Variants in HOOK1 observed in about 807,000 individuals in gnomAD.
HOOK1 encodes the protein protein Hook homolog 1.
A neutral mutation model predicts 112.8 loss-of-function variants in HOOK1; 60 were observed. The observed-to-expected ratio is 0.53, with a 90% CI of 0.43 to 0.66. The LOEUF is 0.66. HOOK1 is among the 30% of genes least tolerant of loss of function. The pLI is 0.00. For synonymous variants in HOOK1, 294 were observed against 283.8 expected (o/e 1.04, Z -0.36); for missense variants, 770 against 856.0 (o/e 0.90, Z 1.25).
At chr1:59,836,530 TTATAA>T (rs1350500708) in intron 6 of HOOK1, among the ~76,000 whole-genome samples, 2 of 152,228 alleles carry the variant, frequency 1.3e-5, no homozygotes, top group Non-Finnish European at 2.9e-5. Context: ...AAGTATTAAC[TTATAA>T]TGTATATGAA....
chr1:59,831,577 CT>C (rs2098394023), intron 3 of HOOK1, among the ~76,000 whole-genome samples: 1 of 152,194 alleles, frequency 6.6e-6, no homozygotes, highest in Admixed American at 6.5e-5. Context: ...TAGCTCCCAT[CT>C]TTTCATCGTC....
chr1:59,853,994 A>G (rs2098408658), intron 12 of HOOK1, among the ~76,000 whole-genome samples: 1 of 117,344 alleles, frequency 8.5e-6, no homozygotes, highest in South Asian at 2.8e-4. Flanking sequence ...AAAATACATT[A>G]ATCTTAAATA....
intron 2 of HOOK1, among the ~76,000 whole-genome samples, chr1:59,823,315 G>A (rs985592283): frequency 1.1e-4 from 16 of 152,104 alleles, no homozygotes; most frequent in South Asian, 2.1e-4. Flanking sequence ...GCAAGACTCC[G>A]TCTCAAAAAA....
rs752276244 is a variant in HOOK1 at position 59,840,329 on chromosome 1, C to CT, written c.561dup (p.Gln188SerfsTer15). ...TCAGCTTAAAAGAGCCTTGGAAGAA[C>CT]TTCAGGAAGCACTAGCAGAAAAAGA... On this transcript the variant is annotated frameshift_variant, in exon 8 of 22. Transcript: ENST00000371208. LOFTEE classifies it high-confidence loss of function. The CT allele has an allele frequency of 2.5e-6, 4 of 1,592,566 alleles. No homozygotes were observed. The highest frequency in any genetic ancestry group is 3.4e-6 in the Non-Finnish European group (4 of 1,170,602).
In HOOK1 at chr1:59,873,808, A is replaced by G. The variant is rs1329847097; in HGVS notation, c.*843A>G. 1 of 145,966 alleles carries G rather than the reference A, an allele frequency of 6.9e-6. No homozygotes were observed. The highest frequency in any genetic ancestry group is 1.5e-5 in the Non-Finnish European group (1 of 66,866). The allele number at this position is 145,966 out of a possible 1,614,324, so 9.0% of individuals were successfully genotyped here. A position where few individuals can be genotyped will look rare whatever the true frequency, so the allele number is the denominator to read the frequency against. On this transcript the variant is annotated 3_prime_UTR_variant, in exon 22 of 22. Transcript: ENST00000371208. Reference sequence around the variant, plus strand: ...ATATACTTTTTAAGGTAATTAATGAAGATTTCAGTTATTGCTTTTAAGCAT... The same window carrying G: ...ATATACTTTTTAAGGTAATTAATGAGGATTTCAGTTATTGCTTTTAAGCAT...
Position 59,874,491 on chromosome 1 carries a change from G to A in HOOK1, c.*1526G>A, listed in dbSNP as rs1644104407. ...TACATACCTATCAGCAGTGTGTTTA[G>A]ACCAGGGGTCTGCAAACTTTCTGTG... On this transcript the variant is annotated 3_prime_UTR_variant, in exon 22 of 22. Transcript: ENST00000371208. The A allele has an allele frequency of 6.6e-6, 1 of 152,126 alleles. No individual in the cohort carries two copies. The highest frequency in any genetic ancestry group is 1.5e-5 in the Non-Finnish European group (1 of 68,004). The allele number at this position is 152,126 out of a possible 1,614,324, so 9.4% of individuals were successfully genotyped here.
chr1:59,847,027 CT>C lies in HOOK1; in HGVS notation c.789-12del. On this transcript the variant is annotated splice_polypyrimidine_tract_variant and intron_variant, in intron 9 of 21. Coordinates refer to ENST00000371208, the MANE Select transcript of HOOK1 (RefSeq NM_015888.6). Reference sequence around the variant, plus strand: ...AAATCATGGAAGTTATAAATACTTACTTTTTTATTTGTTCAAGGCTTGAAGC... The same window carrying C: ...AAATCATGGAAGTTATAAATACTTACTTTTTATTTGTTCAAGGCTTGAAGC... 6.4e-7 allele frequency: 1 copy of C among 1,560,030 alleles called. No individual in the cohort carries two copies. The highest frequency in any genetic ancestry group is 8.6e-7 in the Non-Finnish European group (1 of 1,158,230).
At chr1:59,836,282 G>A (rs1171146037) in intron 6 of HOOK1, among the ~76,000 whole-genome samples, 1 of 152,084 alleles carries the variant, frequency 6.6e-6, no homozygotes, top group Non-Finnish European at 1.5e-5. Context: ...AGGCTGAGAT[G>A]GATTGCAGAG....
At chr1:59,854,858 A>C (rs2098409671) in intron 12 of HOOK1, among the ~76,000 whole-genome samples, 1 of 152,238 alleles carries the variant, frequency 6.6e-6, no homozygotes, top group South Asian at 2.1e-4. Flanking sequence ...TTTGATTTCC[A>C]GATTTGAAAT....
At chr1:59,852,512 T>C (rs1430789165) in intron 12 of HOOK1, among the ~76,000 whole-genome samples, 1 of 151,588 alleles carries the variant, frequency 6.6e-6, no homozygotes, top group Non-Finnish European at 1.5e-5. Context: ...TATTTGTGAT[T>C]TTTGTAATTT....
intron 12 of HOOK1, among the ~76,000 whole-genome samples, chr1:59,851,660 T>A (rs1247693057): frequency 6.6e-6 from 1 of 151,720 alleles, no homozygotes; most frequent in Non-Finnish European, 1.5e-5. Flanking sequence ...TTTTTCTTGC[T>A]AAGTTGTACT....
In HOOK1 at chr1:59,833,577, G is replaced by C. The variant is rs377010469; in HGVS notation, c.406+40G>C. On this transcript the variant is annotated intron_variant, in intron 5 of 21. Coordinates refer to ENST00000371208, the MANE Select transcript of HOOK1 (RefSeq NM_015888.6). ...ATCATTTGAGGATTTCTACTTTCTA[G>C]AAACTTTCTACATTGCTATATAAGC... is the stretch of plus-strand genomic sequence containing the variant. 5.4e-6 allele frequency: 8 copies of C among 1,478,334 alleles called. No individual in the cohort carries two copies. The African/African-American group carries it at 1.1e-4, about 21-fold the overall frequency. The allele number at this position is 1,478,334 out of a possible 1,614,324, so 91.6% of individuals were successfully genotyped here.
intron 1 of HOOK1, 90 bp from the exon 2 acceptor site, chr1:59,821,768 T>C (rs1476572478): frequency 1.3e-5 from 12 of 955,702 alleles, no homozygotes; most frequent in African/African-American, 1.7e-5. Flanking sequence ...TTTTGTTTTT[T>C]TTAGCTGTTT....
chr1:59,860,483 A>T (rs2098412995), intron 15 of HOOK1, among the ~76,000 whole-genome samples, 155 bp downstream of exon 15: 1 of 152,196 alleles, frequency 6.6e-6, no homozygotes, highest in Non-Finnish European at 1.5e-5. Context: ...CATCACTATA[A>T]GCTTCTCTCT....
chr1:59,848,558 T>C (rs1178774642), intron 11 of HOOK1, 42 bp downstream of exon 11: 4 of 1,375,544 alleles, frequency 2.9e-6, no homozygotes. Flanking sequence ...ATTGTAAGAG[T>C]TTAACTTTGT....
chr1:59,869,703 T>G (rs1644024605), intron 20 of HOOK1, among the ~76,000 whole-genome samples: 2 of 152,212 alleles, frequency 1.3e-5, no homozygotes, highest in African/African-American at 2.4e-5. Flanking sequence ...ACCAACCCGA[T>G]ACGCCCTTGC....
chr1:59,835,374 G>T lies in HOOK1; in HGVS notation c.436G>T (p.Glu146Ter). The T allele has an allele frequency of 1.3e-6, 2 of 1,592,128 alleles. No homozygotes were observed. The highest frequency in any genetic ancestry group is 1.7e-6 in the Non-Finnish European group (2 of 1,161,248). Residue 146 changes from glutamate (E) to a stop codon, truncating the protein, a stop_gained, in exon 6 of 22, where the codon GAG becomes TAG. Transcript: ENST00000371208. LOFTEE classifies it high-confidence loss of function. ...EHIQNIMTLE[E>*]SVQHVVMTAI... ...TATTCAAAATATAATGACACTGGAA[G>T]AGTCTGTTCAACATGTGGTCATGAC...
chr1:59,862,227 G>C (rs1474448875), intron 15 of HOOK1, among the ~76,000 whole-genome samples: 2 of 152,200 alleles, frequency 1.3e-5, no homozygotes, highest in African/African-American at 4.8e-5. Flanking sequence ...CACATAGAGG[G>C]AGAGGGAGAT....
chr1:59,861,879 G>A (rs1057314319), intron 15 of HOOK1, among the ~76,000 whole-genome samples: 14 of 152,218 alleles, frequency 9.2e-5, no homozygotes, highest in African/African-American at 3.1e-4. Context: ...TTACATAAAC[G>A]GTGGTTAAAA....
Sources: gnomAD v4.1 joint callset for allele counts (sites outside exome capture counted in the v4.1 genomes callset) on GRCh38, gnomAD v4.1.1 for gene constraint, MANE v1.5 for transcripts, NCBI Gene and HGNC (gene_info 2026-07-23, HGNC 2026-07-21) for gene names.